The following TRMT9B variants were observed in gnomAD, a reference collection of about 807,000 sequenced individuals.
The protein encoded by TRMT9B is probable tRNA methyltransferase 9B.
In TRMT9B, 16 loss-of-function variants were observed where a neutral mutation model predicts 11.5. That is an observed-to-expected ratio of 1.39 (90% CI 0.94 to 2.11). The LOEUF (loss-of-function observed/expected upper bound fraction) is 2.11. TRMT9B is among the 30% of genes most tolerant of loss of function. TRMT9B has a pLI of 0.00. For missense variants in TRMT9B, 941 were observed against 553.8 expected (o/e 1.70, Z -7.02); for synonymous variants, 274 against 192.4 (o/e 1.42, Z -3.51).
At chr8:12,959,030 C>T (rs1258319985) in intron 1 of TRMT9B, among the ~76,000 whole-genome samples, 1 of 152,108 alleles carries the variant, frequency 6.6e-6, no homozygotes, top group Non-Finnish European at 1.5e-5. Flanking sequence ...CAACATGGCA[C>T]ATGTATACCT....
intron 1 of TRMT9B, among the ~76,000 whole-genome samples, chr8:12,976,965 C>G (rs59786254): frequency 0.028 from 4,234 of 152,288 alleles, 207 homozygotes; most frequent in African/African-American, 0.097. Context: ...CAAATCCTGC[C>G]TATGCCTGCT....
At chr8:12,979,655 T>C (rs1805037424) in intron 1 of TRMT9B, among the ~76,000 whole-genome samples, 1 of 152,170 alleles carries the variant, frequency 6.6e-6, no homozygotes, top group African/African-American at 2.4e-5. Context: ...AGGTGATTAG[T>C]TAATGAGCTT....
chr8:13,022,238 A>C lies in TRMT9B; in HGVS notation c.*194A>C. 1.9e-6 allele frequency: 1 copy of C among 525,672 alleles called. No individual in the cohort carries two copies. The highest frequency in any genetic ancestry group is 3.4e-6 in the Non-Finnish European group (1 of 293,220). The allele number at this position is 525,672 out of a possible 1,614,324, so 32.6% of individuals were successfully genotyped here. ...GATTCTGGCATTGAAAGCACTTGAC[A>C]AAGGGTATTTGTGCTTAAATGTTAA... is the stretch of plus-strand genomic sequence containing the variant. On this transcript the variant is annotated 3_prime_UTR_variant, in exon 5 of 5. Transcript: ENST00000524591.
At position 12,991,013 on chromosome 8, in the gene TRMT9B, T is replaced by G; in HGVS notation, c.-20T>G. The G allele has an allele frequency of 7.9e-7, 1 of 1,271,012 alleles. No homozygotes were observed. The highest frequency in any genetic ancestry group is 1.0e-6 in the Non-Finnish European group (1 of 978,494). 78.7% of individuals were successfully genotyped at this position (1,271,012 alleles called of 1,614,324 possible). On this transcript the variant is annotated 5_prime_UTR_variant, in exon 2 of 5. Coordinates refer to ENST00000524591, the MANE Select transcript of TRMT9B (RefSeq NM_020844.3). ...ACAAAGACAAGAGGTAATTTTCCTGTAATCACAGGATGACTCAGGTTAGTA... is the reference window on the plus strand; with the variant it reads ...ACAAAGACAAGAGGTAATTTTCCTGGAATCACAGGATGACTCAGGTTAGTA...
chr8:13,016,679 T>C (rs1812772383), intron 4 of TRMT9B, among the ~76,000 whole-genome samples: 1 of 151,684 alleles, frequency 6.6e-6, no homozygotes, highest in African/African-American at 2.4e-5. Flanking sequence ...TAGGGAAAAG[T>C]GGTGGCGCAT....
In TRMT9B at chr8:13,022,891, G is replaced by C. The variant is rs1563468064; in HGVS notation, c.*847G>C. On this transcript the variant is annotated 3_prime_UTR_variant, in exon 5 of 5. Coordinates refer to ENST00000524591, the MANE Select transcript of TRMT9B (RefSeq NM_020844.3). ...CAAGCTACTCAAGAGACTGAGGCAG[G>C]AGGATCACGTGAGCCCAGGAATTCA... 6.0e-6 allele frequency: 1 copy of C among 166,534 alleles called. No homozygotes were observed. The highest frequency in any genetic ancestry group is 1.5e-5 in the Non-Finnish European group (1 of 68,128). The allele number at this position is 166,534 out of a possible 1,614,324, so 10.3% of individuals were successfully genotyped here.
chr8:13,006,510 C>T (rs1024371819), intron 3 of TRMT9B, 154 bp downstream of exon 3: 4 of 1,466,034 alleles, frequency 2.7e-6, no homozygotes, highest in Non-Finnish European at 2.7e-6. Flanking sequence ...GAAATACCTT[C>T]CATTGAGCCT....
chr8:13,011,680 G>C (rs1021899217), intron 3 of TRMT9B: 16 of 979,026 alleles, frequency 1.6e-5, no homozygotes, highest in Non-Finnish European at 1.8e-5. Flanking sequence ...CTAAATATTT[G>C]GGCTTTGTAA....
In TRMT9B at chr8:13,023,320, C is replaced by T. The variant is rs1334547002; in HGVS notation, c.*1276C>T. 1 of 166,988 alleles carries T rather than the reference C, an allele frequency of 6.0e-6. No individual in the cohort carries two copies. Among genetic ancestry groups the T allele is most frequent in the Non-Finnish European group, 1.5e-5 (1 of 68,110 alleles). 10.3% of individuals were successfully genotyped at this position (166,988 alleles called of 1,614,324 possible). A position where few individuals can be genotyped will look rare whatever the true frequency, so the allele number is the denominator to read the frequency against. The stretch of plus-strand genomic sequence containing the variant: ...ACAAATTAAGGTACAGCATAGTTAG[C>T]CTTGGTAGAGGTATGACTTGGATTT... On this transcript the variant is annotated 3_prime_UTR_variant, in exon 5 of 5. Transcript: ENST00000524591.
chr8:13,005,883 T>G (rs1164764546), intron 2 of TRMT9B, among the ~76,000 whole-genome samples: 4 of 152,240 alleles, frequency 2.6e-5, no homozygotes, highest in African/African-American at 4.8e-5. Context: ...TTATCCAAAG[T>G]AAACCATTTG....
At chr8:12,949,447 G>C (rs1197138321) in intron 1 of TRMT9B, among the ~76,000 whole-genome samples, 2 of 152,144 alleles carry the variant, frequency 1.3e-5, no homozygotes, top group South Asian at 2.1e-4. Flanking sequence ...TAAAAGTCTA[G>C]CTATGTTTCT....
chr8:12,965,412 G>A (rs1802677645), intron 1 of TRMT9B, among the ~76,000 whole-genome samples: 1 of 152,140 alleles, frequency 6.6e-6, no homozygotes, highest in Non-Finnish European at 1.5e-5. Context: ...CAATCAGAAG[G>A]CCAACTACTC....
chr8:12,998,948 A>G (rs7846534), intron 2 of TRMT9B, among the ~76,000 whole-genome samples: 17,712 of 152,164 alleles, frequency 0.12, 1,076 homozygotes, highest in African/African-American at 0.14. Context: ...TGTTGGATAT[A>G]TATGTTAATG....
At chr8:12,997,470 C>T (rs116123112) in intron 2 of TRMT9B, among the ~76,000 whole-genome samples, 1,584 of 152,244 alleles carry the variant, frequency 0.01, 21 homozygotes, top group African/African-American at 0.035. Context: ...ATGAACCAAA[C>T]AAACTGCTTG....
In TRMT9B at chr8:12,951,583, G is replaced by C. The variant is rs1800621561; in HGVS notation, c.-200+5617G>C. ...GGGGCGATTGCAGGGAACGGGGCGGGGAGGCGACAGTCCCCGGCTCCGCCG... is the reference window on the plus strand; with the variant it reads ...GGGGCGATTGCAGGGAACGGGGCGGCGAGGCGACAGTCCCCGGCTCCGCCG... On this transcript the variant is annotated intron_variant, in intron 1 of 4. Coordinates refer to ENST00000524591, the MANE Select transcript of TRMT9B (RefSeq NM_020844.3). The C allele has an allele frequency of 2.6e-5, 4 of 152,192 alleles. No homozygotes were observed. In the South Asian group the frequency reaches 8.3e-4, roughly 32 times the overall value. 9.4% of individuals were successfully genotyped at this position (152,192 alleles called of 1,614,324 possible). A position where few individuals can be genotyped will look rare whatever the true frequency, so the allele number is the denominator to read the frequency against.
rs1814091938 is a variant in TRMT9B at position 13,022,294 on chromosome 8, A to G, written c.*250A>G. 1 of 395,726 alleles carries G rather than the reference A, an allele frequency of 2.5e-6. No individual in the cohort carries two copies. Among genetic ancestry groups the G allele is most frequent in the Admixed American group, 4.3e-5 (1 of 23,336 alleles). The allele number at this position is 395,726 out of a possible 1,614,324, so 24.5% of individuals were successfully genotyped here. On this transcript the variant is annotated 3_prime_UTR_variant, in exon 5 of 5. Coordinates refer to ENST00000524591, the MANE Select transcript of TRMT9B (RefSeq NM_020844.3). ...AAGATCTGAAGAAGCAACAGAAAGT[A>G]CCCTTCAGTACACCTCAGACTTTTT...
chr8:12,959,544 G>C (rs563183591), intron 1 of TRMT9B, among the ~76,000 whole-genome samples: 2 of 34,938 alleles, frequency 5.7e-5, no homozygotes, highest in East Asian at 4.7e-3. Context: ...TTTTTTGACA[G>C]AGTCTTGCTC....
chr8:12,973,864 G>A (rs1298737891), intron 1 of TRMT9B, among the ~76,000 whole-genome samples: 13 of 152,084 alleles, frequency 8.5e-5, no homozygotes, highest in Admixed American at 3.3e-4. Context: ...AGTGCCAGTC[G>A]AAAAGAACAT....
intron 1 of TRMT9B, among the ~76,000 whole-genome samples, chr8:12,976,864 G>T (rs910844464): frequency 6.6e-6 from 1 of 152,114 alleles, no homozygotes; most frequent in Non-Finnish European, 1.5e-5. Context: ...TGACCTGCAG[G>T]CAAAGGACAA....
Sources: allele counts gnomAD v4.1 joint callset (sites outside exome capture counted in the v4.1 genomes callset), GRCh38; gene constraint gnomAD v4.1.1; transcripts MANE v1.5; gene names NCBI Gene and HGNC (gene_info 2026-07-23, HGNC 2026-07-21).